KIAA1210: variants seen among roughly 807,000 people sequenced by gnomAD.
KIAA1210 encodes acrosomal protein KIAA1210.
Under a neutral mutation model 78.9 loss-of-function variants are expected in KIAA1210, and 48 were observed. The observed-to-expected ratio is 0.61, with a 90% CI of 0.48 to 0.77. The LOEUF (loss-of-function observed/expected upper bound fraction) is 0.77. Ranked by LOEUF, KIAA1210 falls within the 30% of genes least tolerant of loss-of-function variation. The probability of loss-of-function intolerance (pLI) is 0.00; values close to 1 mark genes in which losing one functional copy is unlikely to be tolerated. For missense variants in KIAA1210, 1,108 were observed against 1,100.0 expected (o/e 1.01, Z -0.10); for synonymous variants, 406 against 404.5 (o/e 1.00, Z -0.04).
intron 6 of KIAA1210, among the ~76,000 whole-genome samples, chrX:119,098,639 G>C (rs1452536863): frequency 9.5e-6 from 1 of 105,786 alleles, no homozygotes. Context: ...CACCTTTTCA[G>C]TGATGTCTTC....
Position 119,123,638 on chromosome X carries a change from G to C in KIAA1210, c.5C>G (p.Ala2Gly), listed in dbSNP as rs780302176. The change falls in exon 2 of 12, where the codon GCT becomes GGT. Residue 2 changes from alanine (A) to glycine (G), a missense_variant. By Grantham distance (60) the Ala-to-Gly change is moderately conservative. This residue lies in a region of KIAA1210 where 672 missense variants were observed against 607.1 expected (regional missense o/e 1.11). Coordinates refer to ENST00000691062, the MANE Select transcript of KIAA1210 (RefSeq NM_001394962.1). Reference protein sequence around the residue: MAESLSEISDSL... With the variant: MGESLSEISDSL... ...GTCAGAAATTTCACTTAGTGATTCA[G>C]CCATTGTAGGATGACTAAAATAAAA... The C allele has an allele frequency of 4.6e-5, 55 of 1,195,011 alleles. No individual in the cohort carries two copies. The highest frequency in any genetic ancestry group is 6.0e-5 in the Non-Finnish European group (53 of 883,782).
Position 119,087,429 on chromosome X carries a change from C to A in KIAA1210, c.3273G>T (p.Arg1091Ser), listed in dbSNP as rs1927185936. ...PMKHPLQSLG[R>S]PEDPQKVFSY... ...AGAAAACTTTCTGTGGGTCTTCAGG[C>A]CTCCCCAAGGACTGTAAAGGGTGCT... Residue 1091 changes from arginine (R) to serine (S), a missense_variant, in exon 9 of 12, where the codon AGG becomes AGT. Coordinates refer to ENST00000691062, the MANE Select transcript of KIAA1210 (RefSeq NM_001394962.1). 4 of 1,210,452 alleles carry A rather than the reference C, an allele frequency of 3.3e-6. No homozygotes were observed. The East Asian group carries it at 1.2e-4, about 36-fold the overall frequency.
chrX:119,135,613 G>C lies in KIAA1210; in HGVS notation c.410+11860C>G, dbSNP rs909452613. ...AGCTCTGCCCCCAAATGCTCTGCTA[G>C]TTCTCAAGCCCATCCCAGCAGAATG... On this transcript the variant is annotated intron_variant, in intron 2 of 13. Transcript: ENST00000402510. Among the ~76,000 whole-genome samples, 9 of 112,089 alleles carry C rather than the reference G, an allele frequency of 8.0e-5. 1 individual carries two copies. The highest frequency in any genetic ancestry group is 2.9e-4 in the African/African-American group (9 of 30,825).
chrX:119,118,438 C>T (rs1465426476), intron 2 of KIAA1210, among the ~76,000 whole-genome samples: 1 of 112,347 alleles, frequency 8.9e-6, no homozygotes, highest in Non-Finnish European at 1.9e-5. Context: ...CAGTAGCCTG[C>T]TTTTCAACAA....
rs906994364 is a variant in KIAA1210, at chrX:119,116,195, C to T, written c.230+301G>A. Among the ~76,000 whole-genome samples, 16 of 112,341 alleles carry T rather than the reference C, an allele frequency of 1.4e-4. No individual in the cohort carries two copies. The East Asian group carries it at 4.2e-3, about 30-fold the overall frequency. Reference sequence around the variant, plus strand: ...ACATCTCAAGTTATTTTAGTTGCGACAGGCAGGGCTTCCCTGAATATCTGC... The same window carrying T: ...ACATCTCAAGTTATTTTAGTTGCGATAGGCAGGGCTTCCCTGAATATCTGC... On this transcript the variant is annotated intron_variant, in intron 3 of 11. Coordinates refer to ENST00000691062, the MANE Select transcript of KIAA1210 (RefSeq NM_001394962.1).
rs1442040416 is a variant in KIAA1210 at position 119,087,938 on chromosome X, A to G, written c.2764T>C (p.Tyr922His). ...PWVTPKFEEL[Y>H]QLSAHPESTT... ...CTTTCTGGATGTGCAGAGAGTTGATACAGTTCCTCAAATTTAGGGGTCACC... is the reference window on the plus strand; with the variant it reads ...CTTTCTGGATGTGCAGAGAGTTGATGCAGTTCCTCAAATTTAGGGGTCACC... The change falls in exon 9 of 12, where the codon TAT (tyrosine) becomes CAT (histidine). Residue 922 changes from tyrosine (Y) to histidine (H), a missense_variant. Tyr to His is a moderately conservative substitution (Grantham distance 83, BLOSUM62 2). Around this residue, in one of 5 missense-constraint regions of KIAA1210, gnomAD observed 179 missense variants for 174.1 expected, o/e 1.03. Transcript: ENST00000691062. 8.3e-7 allele frequency: 1 copy of G among 1,210,087 alleles called. No individual in the cohort carries two copies. The highest frequency in any genetic ancestry group is 1.1e-6 in the Non-Finnish European group (1 of 895,196).
intron 8 of KIAA1210, among the ~76,000 whole-genome samples, chrX:119,092,597 T>TA (rs1442559587): frequency 4.6e-5 from 5 of 109,742 alleles, no homozygotes; most frequent in East Asian, 2.9e-4. Flanking sequence ...CCCTCTCTAC[T>TA]AAAAATACAA....
rs557612538 is a variant in KIAA1210, at chrX:119,101,093, A to G, written c.648+3899T>C. On this transcript the variant is annotated intron_variant, in intron 6 of 11. Coordinates refer to ENST00000691062, the MANE Select transcript of KIAA1210 (RefSeq NM_001394962.1). ...ACACTCTTTTGCTGTTAGCTGGGATAAGGGCTGCTCTTTGGAAAATAATAA... is the reference window on the plus strand; with the variant it reads ...ACACTCTTTTGCTGTTAGCTGGGATGAGGGCTGCTCTTTGGAAAATAATAA... 2.1e-4 allele frequency among the ~76,000 whole-genome samples: 24 copies of G among 112,381 alleles called. No individual in the cohort carries two copies. The South Asian group carries it at 8.9e-3, about 42-fold the overall frequency.
rs761052315 is a variant in KIAA1210 at position 119,104,949 on chromosome X, T to C, written c.648+43A>G. On this transcript the variant is annotated intron_variant, in intron 6 of 11. Coordinates refer to ENST00000691062, the MANE Select transcript of KIAA1210 (RefSeq NM_001394962.1). ...ATGATACAAGAAGAAGTTATGCCTC[T>C]GATCTGTGAGGCCCCTCAACCTGTC... is the stretch of plus-strand genomic sequence containing the variant. 6 of 1,141,906 alleles carry C rather than the reference T, an allele frequency of 5.3e-6. No homozygotes were observed. The African/African-American group carries it at 7.3e-5, about 14-fold the overall frequency. 94.1% of individuals were successfully genotyped at this position (1,141,906 alleles called of 1,213,427 possible).
At chrX:119,108,120 A>G in intron 5 of KIAA1210, among the ~76,000 whole-genome samples, 1 of 111,921 alleles carries the variant, frequency 8.9e-6, no homozygotes, top group Admixed American at 9.5e-5. Context: ...CTTGAGCAAT[A>G]TCTTTAACTT....
chrX:119,115,396 AACACTG>A (rs1928225092), intron 3 of KIAA1210, among the ~76,000 whole-genome samples: 1 of 111,546 alleles, frequency 9.0e-6, no homozygotes, highest in African/African-American at 3.3e-5. Context: ...AGTCTTACTG[AACACTG>A]CAAGGCAATG....
At chrX:119,131,353 T>C (rs1233572137), upstream of KIAA1210, among the ~76,000 whole-genome samples, 1 of 111,030 alleles carries the variant, frequency 9.0e-6, no homozygotes, top group Non-Finnish European at 1.9e-5. Context: ...TGCGTGCGCA[T>C]GGACATAAAG....
chrX:119,122,057 C>T (rs1363712618), intron 2 of KIAA1210, among the ~76,000 whole-genome samples: 13 of 78,847 alleles, frequency 1.6e-4, no homozygotes, highest in South Asian at 1.5e-3. Flanking sequence ...CCAGCGCGCC[C>T]GGCATTTTTT....
intron 8 of KIAA1210, 102 bp downstream of exon 8, chrX:119,093,565 G>T: frequency 2.0e-6 from 1 of 492,771 alleles, no homozygotes; most frequent in Non-Finnish European, 3.2e-6. Context: ...AAGACCAAGG[G>T]CAGCAGTCTT....
intron 5 of KIAA1210, among the ~76,000 whole-genome samples, chrX:119,106,335 G>A (rs772531848): frequency 1.8e-5 from 2 of 112,350 alleles, no homozygotes; most frequent in South Asian, 7.4e-4. Context: ...GCTATTGTGG[G>A]CTCCATTTTA....
rs139845790 is a variant in KIAA1210, at chrX:119,094,105, G to A, written c.847-330C>T. On this transcript the variant is annotated intron_variant, in intron 7 of 11. Transcript: ENST00000691062. ...ACTGGAAGGCCACGAATCTGAAAAC[G>A]GGGTCATTGGGCCTGACAACAATCA... 719 of 1,108,197 alleles carry A rather than the reference G, an allele frequency of 6.5e-4. 10 individuals carry two copies. The African/African-American group carries it at 0.011, about 17-fold the overall frequency. 91.3% of individuals were successfully genotyped at this position (1,108,197 alleles called of 1,213,427 possible).
In KIAA1210 at chrX:119,093,714, G is replaced by T. The variant is rs760602531; in HGVS notation, c.908C>A (p.Thr303Asn). The change falls in exon 8 of 12, where the codon ACC becomes AAC. Residue 303 changes from threonine (T) to asparagine (N), a missense_variant. Around this residue, in one of 5 missense-constraint regions of KIAA1210, gnomAD observed 672 missense variants for 607.1 expected, o/e 1.11. Transcript: ENST00000691062. ...CTTTTCGTTGATTTCTTTTGGTTTG[G>T]TTATGCTCTTTTCTTCTTCAGAAAC... The part of the protein sequence containing the change: ...PLVSEEEKSI[T>N]KPKEINEKKL... 2.5e-5 allele frequency: 30 copies of T among 1,208,425 alleles called. No homozygotes were observed. The highest frequency in any genetic ancestry group is 3.1e-5 in the Non-Finnish European group (28 of 894,420).
chrX:119,090,750 A>G (rs1927343514), intron 8 of KIAA1210, among the ~76,000 whole-genome samples: 1 of 111,569 alleles, frequency 9.0e-6, no homozygotes, highest in Non-Finnish European at 1.9e-5. Flanking sequence ...GACAAATAGC[A>G]TGTAGATATT....
intron 6 of KIAA1210, among the ~76,000 whole-genome samples, chrX:119,100,328 TAAAAAAAAAAAAAAA>T (rs35969490): frequency 8.6e-5 from 4 of 46,533 alleles, no homozygotes; most frequent in African/African-American, 3.2e-4. Flanking sequence ...AGACTGTCTT[TAAAAAAAAAAAAAAA>T]AAAAAAAAAA....
Sources: allele counts gnomAD v4.1 joint callset (sites outside exome capture counted in the v4.1 genomes callset), GRCh38; gene constraint gnomAD v4.1.1; regional missense constraint gnomAD v4.1.1; transcripts MANE v1.5; gene names NCBI Gene and HGNC (gene_info 2026-07-23, HGNC 2026-07-21).